ITPR2: variants seen among roughly 807,000 people sequenced by gnomAD.
ITPR2 encodes the protein inositol 1,4,5-trisphosphate receptor type 2.
A neutral mutation model predicts 317.1 loss-of-function variants in ITPR2; 207 were observed. The ratio of observed to expected loss-of-function variants is 0.65; its 90% CI spans 0.58 to 0.73. The LOEUF is 0.73. ITPR2 is among the 30% of genes least tolerant of loss of function. ITPR2 has a pLI of 0.00. For synonymous variants in ITPR2, 1,156 were observed against 1,149.1 expected (o/e 1.01, Z -0.12); for missense variants, 2,613 against 3,284.0 (o/e 0.80, Z 4.99).
Position 26,658,140 on chromosome 12 carries a change from GA to G in ITPR2, c.1887-11del, listed in dbSNP as rs1400173711. 12 of 1,526,644 alleles carry G rather than the reference GA, an allele frequency of 7.9e-6. No homozygotes were observed. Among genetic ancestry groups the G allele is most frequent in the South Asian group, 2.7e-5 (2 of 74,390 alleles). 94.6% of individuals were successfully genotyped at this position (1,526,644 alleles called of 1,614,324 possible). A position where few individuals can be genotyped will look rare whatever the true frequency, so the allele number is the denominator to read the frequency against. Reference sequence around the variant, plus strand: ...CAAATAATCCAAAAACCTGGCAAAAGAAAAAAATTAAATGGAATATGAAGAC... The same window carrying G: ...CAAATAATCCAAAAACCTGGCAAAAGAAAAAATTAAATGGAATATGAAGAC... On this transcript the variant is annotated splice_polypyrimidine_tract_variant and intron_variant, in intron 16 of 56. Transcript: ENST00000381340.
chr12:26,641,095 G>C (rs1946974160), intron 21 of ITPR2, among the ~76,000 whole-genome samples: 1 of 152,256 alleles, frequency 6.6e-6, no homozygotes, highest in South Asian at 2.1e-4. Context: ...CAGAGTCAGA[G>C]AGAACAATCA....
At chr12:26,363,811 C>T (rs1938920366) in intron 55 of ITPR2, among the ~76,000 whole-genome samples, 1 of 151,728 alleles carries the variant, frequency 6.6e-6, no homozygotes, top group African/African-American at 2.4e-5. Context: ...TATGGAGATA[C>T]TTCTAAAATG....
intron 13 of ITPR2, among the ~76,000 whole-genome samples, chr12:26,671,311 T>A (rs1490027255): frequency 6.6e-6 from 1 of 152,170 alleles, no homozygotes; most frequent in Non-Finnish European, 1.5e-5. Context: ...AAGGTTGGGT[T>A]ACCCACAAAG....
chr12:26,434,691 T>A (rs752977303), intron 48 of ITPR2, among the ~76,000 whole-genome samples: 3 of 152,194 alleles, frequency 2.0e-5, no homozygotes, highest in Non-Finnish European at 2.9e-5. Context: ...CTCTAAGATA[T>A]GTCATTTTTT....
intron 35 of ITPR2, among the ~76,000 whole-genome samples, chr12:26,560,130 A>G (rs1944773276): frequency 6.6e-6 from 1 of 152,152 alleles, no homozygotes; most frequent in Admixed American, 6.5e-5. Context: ...TTACTAAAAG[A>G]AGTTTAAGGC....
At chr12:26,663,957 T>G in intron 14 of ITPR2, 111 bp from the exon 15 acceptor site, 1 of 1,021,710 alleles carries the variant, frequency 9.8e-7, no homozygotes, top group Non-Finnish European at 1.4e-6. Flanking sequence ...AATTTGAGTA[T>G]TAGAGTAAAC....
At chr12:26,431,475 A>T (rs1180064785) in intron 48 of ITPR2, among the ~76,000 whole-genome samples, 1 of 152,194 alleles carries the variant, frequency 6.6e-6, no homozygotes, top group African/African-American at 2.4e-5. Flanking sequence ...GCATACCTTA[A>T]ACAAACAAAC....
At chr12:26,802,920 G>C (rs981877444) in intron 1 of ITPR2, among the ~76,000 whole-genome samples, 1 of 152,072 alleles carries the variant, frequency 6.6e-6, no homozygotes, top group Non-Finnish European at 1.5e-5. Context: ...TTTGAAACCT[G>C]TAATCAACAA....
rs530034829 is a variant in ITPR2 at position 26,720,889 on chromosome 12, T to C, written c.525+1508A>G. ...TAAATAAGCAGATAGGATGAATTAA[T>C]ATAATCCACGGCTAATTTAAAAACT... On this transcript the variant is annotated intron_variant, in intron 5 of 56. Coordinates refer to ENST00000381340, the MANE Select transcript of ITPR2 (RefSeq NM_002223.4). 6.6e-5 allele frequency among the ~76,000 whole-genome samples: 10 copies of C among 152,352 alleles called. 1 individual carries two copies. In the South Asian group the frequency reaches 2.1e-3, roughly 32 times the overall value.
intron 9 of ITPR2, among the ~76,000 whole-genome samples, chr12:26,699,916 TA>T (rs150623510): frequency 4.6e-5 from 7 of 152,068 alleles, no homozygotes; most frequent in South Asian, 4.2e-4. Context: ...GTCTTTATGT[TA>T]AAAAAATAAA....
chr12:26,419,023 G>GA (rs1565515959), intron 50 of ITPR2, 26 bp downstream of exon 50: 2 of 1,582,998 alleles, frequency 1.3e-6, no homozygotes, highest in Non-Finnish European at 1.7e-6. Context: ...TTTCAGCAGT[G>GA]ATTGTCCACA....
intron 26 of ITPR2, among the ~76,000 whole-genome samples, chr12:26,618,676 C>T (rs1946425939): frequency 6.6e-6 from 1 of 152,212 alleles, no homozygotes; most frequent in African/African-American, 2.4e-5. Context: ...CAAACATGTG[C>T]ACCAGGTGAC....
chr12:26,377,551 T>A (rs1216264851), intron 55 of ITPR2, among the ~76,000 whole-genome samples: 2 of 152,248 alleles, frequency 1.3e-5, no homozygotes, highest in African/African-American at 4.8e-5. Flanking sequence ...TTCTAAAGGA[T>A]GTCTTTTGGC....
intron 11 of ITPR2, 62 bp from the exon 12 acceptor site, chr12:26,682,735 T>A (rs144741210): frequency 1.1e-6 from 1 of 915,746 alleles, no homozygotes; most frequent in Non-Finnish European, 1.7e-6. Context: ...CATATTAACA[T>A]CTTTAACAGT....
chr12:26,820,968 G>A (rs891705532), intron 1 of ITPR2, among the ~76,000 whole-genome samples: 3 of 152,162 alleles, frequency 2.0e-5, no homozygotes, highest in Non-Finnish European at 4.4e-5. Context: ...GTTACCAGGG[G>A]CTGGGGTAAG....
chr12:26,456,690 T>A (rs981259521), intron 45 of ITPR2, among the ~76,000 whole-genome samples: 1 of 152,146 alleles, frequency 6.6e-6, no homozygotes, highest in South Asian at 2.1e-4. Context: ...TTTTTTCTTT[T>A]AAGACAGAGT....
chr12:26,670,005 C>T (rs889133315), intron 13 of ITPR2, among the ~76,000 whole-genome samples: 1 of 152,204 alleles, frequency 6.6e-6, no homozygotes, highest in Non-Finnish European at 1.5e-5. Flanking sequence ...GAGGGGTGCC[C>T]GCCATTGCCC....
At chr12:26,435,176 C>G (rs1404317074) in intron 48 of ITPR2, among the ~76,000 whole-genome samples, 4 of 152,040 alleles carry the variant, frequency 2.6e-5, no homozygotes, top group Non-Finnish European at 4.4e-5. Context: ...AGCAAATGAC[C>G]CTTGGACTCC....
intron 48 of ITPR2, among the ~76,000 whole-genome samples, chr12:26,432,253 T>G (rs1467810827): frequency 6.6e-6 from 1 of 152,086 alleles, no homozygotes; most frequent in African/African-American, 2.4e-5. Flanking sequence ...TTAATTTGGA[T>G]AGTTGCTCAG....
Sources: gnomAD v4.1 joint callset for allele counts (sites outside exome capture counted in the v4.1 genomes callset) on GRCh38, gnomAD v4.1.1 for gene constraint, MANE v1.5 for transcripts, NCBI Gene and HGNC (gene_info 2026-07-23, HGNC 2026-07-21) for gene names.